SH2D1B: variants seen among roughly 807,000 people sequenced by gnomAD.
SH2D1B encodes SH2 domain containing 1B, also known as SH2 domain-containing protein 1B.
SH2D1B carries 11 observed loss-of-function variants against 16.3 expected under a neutral mutation model. The observed-to-expected ratio is 0.67, with a 90% CI of 0.42 to 1.11. The LOEUF (loss-of-function observed/expected upper bound fraction) is 1.11. Among genes scored for constraint, SH2D1B ranks in the 50% most tolerant of loss-of-function variants. The probability of loss-of-function intolerance (pLI) is 0.00; values close to 1 mark genes in which losing one functional copy is unlikely to be tolerated. For synonymous variants in SH2D1B, 55 were observed against 56.1 expected (o/e 0.98, Z 0.09); for missense variants, 123 against 153.1 (o/e 0.80, Z 1.04).
intron 3 of SH2D1B, 127 bp downstream of exon 3, chr1:162,398,795 TA>T: frequency 8.8e-7 from 1 of 1,139,252 alleles, no homozygotes; most frequent in Non-Finnish European, 1.2e-6. Flanking sequence ...AAATTGCTCT[TA>T]GTAGGATGAA....
At chr1:162,407,676 G>C (rs994357305) in intron 1 of SH2D1B, among the ~76,000 whole-genome samples, 1 of 152,166 alleles carries the variant, frequency 6.6e-6, no homozygotes, top group Non-Finnish European at 1.5e-5. Context: ...TTCTTGCTTT[G>C]CTTGCAAAGG....
intron 1 of SH2D1B, among the ~76,000 whole-genome samples, chr1:162,404,841 C>T (rs1050490949): frequency 5.9e-5 from 9 of 152,198 alleles, no homozygotes; most frequent in Non-Finnish European, 1.3e-4. Context: ...TCATGTAATG[C>T]CCATGGGAAT....
In SH2D1B at chr1:162,411,870, T is replaced by C. The variant is rs1422308812; in HGVS notation, c.134+13A>G. On this transcript the variant is annotated intron_variant, in intron 1 of 3. Coordinates refer to ENST00000367929, the MANE Select transcript of SH2D1B (RefSeq NM_053282.5). ...CATACGATGTCAGATGTGTGCAAGATGAGGCTACTCACGAGACACAGAGGC... is the reference window on the plus strand; with the variant it reads ...CATACGATGTCAGATGTGTGCAAGACGAGGCTACTCACGAGACACAGAGGC... The C allele has an allele frequency of 1.2e-6, 2 of 1,613,920 alleles. No individual in the cohort carries two copies. Among genetic ancestry groups the C allele is most frequent in the African/African-American group, 1.3e-5 (1 of 74,922 alleles).
intron 1 of SH2D1B, among the ~76,000 whole-genome samples, chr1:162,407,527 G>A (rs529191273): frequency 1.3e-5 from 2 of 152,304 alleles, no homozygotes; most frequent in African/African-American, 2.4e-5. Flanking sequence ...GTCGCCTACC[G>A]CAAAGGGATT....
At chr1:162,411,020 A>G (rs1648782580) in intron 1 of SH2D1B, among the ~76,000 whole-genome samples, 1 of 151,116 alleles carries the variant, frequency 6.6e-6, no homozygotes, top group Non-Finnish European at 1.5e-5. Flanking sequence ...CAGTGGTGCA[A>G]TCTCAGCTCA....
rs189321084 is a variant in SH2D1B, at chr1:162,411,992, G to A, written c.25C>T (p.Arg9Cys). The change falls in exon 1 of 4, where the codon CGT (arginine) becomes TGT (cysteine). Residue 9 changes from arginine to cysteine, a missense_variant. By Grantham distance (180) the Arg-to-Cys change is radical. Transcript: ENST00000367929. MDLPYYHG[R>C]LTKQDCETLL... The stretch of plus-strand genomic sequence containing the variant: ...GTCTCACAGTCTTGCTTGGTCAGAC[G>A]TCCATGGTAGTAAGGCAGATCCATG... 17 of 1,614,100 alleles carry A rather than the reference G, an allele frequency of 1.1e-5. No homozygotes were observed. The highest frequency in any genetic ancestry group is 1.0e-4 in the Admixed American group (6 of 60,016).
chr1:162,403,652 C>T (rs1648584484), intron 1 of SH2D1B, among the ~76,000 whole-genome samples: 1 of 137,408 alleles, frequency 7.3e-6, no homozygotes, highest in Non-Finnish European at 1.6e-5. Context: ...GTCACAATAG[C>T]CAAGACATGG....
chr1:162,402,326 C>A (rs970091446), intron 2 of SH2D1B, among the ~76,000 whole-genome samples: 1 of 152,032 alleles, frequency 6.6e-6, no homozygotes, highest in Non-Finnish European at 1.5e-5. Context: ...TCCTGTCTAA[C>A]ACGGCGAAAA....
chr1:162,401,488 A>G (rs1320528437), intron 2 of SH2D1B, among the ~76,000 whole-genome samples: 1 of 152,206 alleles, frequency 6.6e-6, no homozygotes, highest in Non-Finnish European at 1.5e-5. Context: ...CTTTCCAAAT[A>G]TATACACATA....
At chr1:162,405,574 G>A (rs1648635109) in intron 1 of SH2D1B, among the ~76,000 whole-genome samples, 1 of 152,114 alleles carries the variant, frequency 6.6e-6, no homozygotes, top group Non-Finnish European at 1.5e-5. Flanking sequence ...TAGAAAAAGT[G>A]TTTCCTATTT....
At chr1:162,402,833 T>C in intron 1 of SH2D1B, 31 bp from the exon 2 acceptor site, 1 of 1,547,556 alleles carries the variant, frequency 6.5e-7, no homozygotes, top group Non-Finnish European at 8.9e-7. Context: ...TGAATCAAAA[T>C]GTTCTATGCA....
Position 162,412,042 on chromosome 1 carries a change from G to A in SH2D1B, c.-26C>T. The A allele has an allele frequency of 1.2e-6, 2 of 1,613,184 alleles. No homozygotes were observed. Among genetic ancestry groups the A allele is most frequent in the Non-Finnish European group, 1.7e-6 (2 of 1,179,300 alleles). On this transcript the variant is annotated 5_prime_UTR_variant, in exon 1 of 4. Transcript: ENST00000367929. ...GGAGAACGCTCTTGTATCCCAGGAA[G>A]CCCTGTTGGCCTGAAATTCACCCCC...
intron 3 of SH2D1B, among the ~76,000 whole-genome samples, 193 bp downstream of exon 3, chr1:162,398,730 A>G (rs1181655648): frequency 6.6e-6 from 1 of 152,218 alleles, no homozygotes; most frequent in Non-Finnish European, 1.5e-5. Flanking sequence ...CAAACGCAGC[A>G]AGCTCTCTGT....
At position 162,405,144 on chromosome 1, in the gene SH2D1B, C is replaced by T. The variant is rs150616386; in HGVS notation, c.135-2342G>A. On this transcript the variant is annotated intron_variant, in intron 1 of 3. Coordinates refer to ENST00000367929, the MANE Select transcript of SH2D1B (RefSeq NM_053282.5). ...TAGATGGATCTCAAAATAATTATTC[C>T]GAATAAAAGAAGTCAGATAAAAATG... Among the ~76,000 whole-genome samples the T allele has an allele frequency of 3.1e-3, 469 of 152,120 alleles. 1 individual carries two copies. Among genetic ancestry groups the T allele is most frequent in the Middle Eastern group, 6.8e-3 (2 of 294 alleles).
At chr1:162,409,871 G>T (rs192821661) in intron 1 of SH2D1B, among the ~76,000 whole-genome samples, 2 of 152,080 alleles carry the variant, frequency 1.3e-5, no homozygotes, top group East Asian at 1.9e-4. Flanking sequence ...CACCGCGCCT[G>T]GCCAATATAT....
At chr1:162,411,816 T>C (rs1300463011) in intron 1 of SH2D1B, 67 bp downstream of exon 1, 1 of 1,603,934 alleles carries the variant, frequency 6.2e-7, no homozygotes, top group African/African-American at 1.3e-5. Context: ...TGAATTCCTG[T>C]ACTGTGTGGC....
intron 1 of SH2D1B, among the ~76,000 whole-genome samples, chr1:162,406,878 C>G (rs748549708): frequency 6.6e-5 from 10 of 152,176 alleles, no homozygotes; most frequent in Admixed American, 2.0e-4. Context: ...CTCCTAATAT[C>G]TACTCCATTT....
chr1:162,400,018 C>T (rs1220221956), intron 2 of SH2D1B, among the ~76,000 whole-genome samples: 1 of 152,196 alleles, frequency 6.6e-6, no homozygotes, highest in South Asian at 2.1e-4. Flanking sequence ...AGTTAGGCTG[C>T]TTAGTATTCC....
rs1314243106 is a variant in SH2D1B at position 162,403,501 on chromosome 1, AAAAAAAAAAAATATATATATAT to A, written c.135-721_135-700del. Reference sequence around the variant, plus strand: ...GAGACTCTGTCTGAAAAAAAAAAAAAAAAAAAAAAAATATATATATATATATATATATATATATATATGTAAT... The same window carrying A: ...GAGACTCTGTCTGAAAAAAAAAAAAAATATATATATATATATATATGTAAT... On this transcript the variant is annotated intron_variant, in intron 1 of 3. Coordinates refer to ENST00000367929, the MANE Select transcript of SH2D1B (RefSeq NM_053282.5). 5.2e-3 allele frequency among the ~76,000 whole-genome samples: 193 copies of A among 37,084 alleles called. 2 individuals carry two copies. The highest frequency in any genetic ancestry group is 0.011 in the Middle Eastern group (1 of 88). The allele number at this position is 37,084 out of a possible 152,430, so 24.3% of individuals were successfully genotyped here. A position where few individuals can be genotyped will look rare whatever the true frequency, so the allele number is the denominator to read the frequency against.
Sources: gnomAD v4.1 joint callset for allele counts (sites outside exome capture counted in the v4.1 genomes callset) on GRCh38, gnomAD v4.1.1 for gene constraint, MANE v1.5 for transcripts, NCBI Gene and HGNC (gene_info 2026-07-23, HGNC 2026-07-21) for gene names.